CEP112: variants seen among roughly 807,000 people sequenced by gnomAD.
CEP112 encodes the protein centrosomal protein 112, also known as centrosomal protein of 112 kDa.
In CEP112, 127 loss-of-function variants were observed where a neutral mutation model predicts 153.0. That is an observed-to-expected ratio of 0.83 (90% CI 0.72 to 0.96). The LOEUF (loss-of-function observed/expected upper bound fraction) is 0.96, where lower values mean the gene tolerates loss of function less well. CEP112 is among the 40% of genes least tolerant of loss of function. The pLI is 0.00. For synonymous variants in CEP112, 358 were observed against 374.4 expected (o/e 0.96, Z 0.51); for missense variants, 1,089 against 1,101.2 (o/e 0.99, Z 0.16).
In CEP112 at chr17:65,734,015, C is replaced by T. The variant is rs531773505; in HGVS notation, c.2607+9053G>A. Among the ~76,000 whole-genome samples the T allele has an allele frequency of 4.6e-5, 7 of 152,348 alleles. No homozygotes were observed. In the South Asian group the frequency reaches 1.4e-3, roughly 32 times the overall value. ...TTGTCTCATTCACTGGGGACACTCACACATTTCACTGTTCCTGTATGTGTC... is the reference window on the plus strand; with the variant it reads ...TTGTCTCATTCACTGGGGACACTCATACATTTCACTGTTCCTGTATGTGTC... On this transcript the variant is annotated intron_variant, in intron 23 of 26. Transcript: ENST00000535342.
chr17:65,766,253 T>C (rs1598510234), intron 21 of CEP112, among the ~76,000 whole-genome samples: 1 of 124,914 alleles, frequency 8.0e-6, no homozygotes, highest in East Asian at 2.1e-4. Context: ...TCAAGCAGGG[T>C]GGAGGATAAA....
chr17:66,174,235 CT>C (rs760281759), intron 4 of CEP112, among the ~76,000 whole-genome samples: 11 of 152,162 alleles, frequency 7.2e-5, no homozygotes, highest in Non-Finnish European at 1.2e-4. Flanking sequence ...GCCTGTTTAT[CT>C]TTTTCGACCA....
intron 21 of CEP112, among the ~76,000 whole-genome samples, chr17:65,799,512 G>T (rs1411267551): frequency 6.6e-6 from 1 of 152,178 alleles, no homozygotes; most frequent in Non-Finnish European, 1.5e-5. Flanking sequence ...TGTGAGCAGG[G>T]AATAAAATGA....
intron 19 of CEP112, among the ~76,000 whole-genome samples, chr17:65,926,383 C>A (rs898463387): frequency 6.6e-5 from 10 of 152,290 alleles, no homozygotes; most frequent in African/African-American, 2.4e-4. Flanking sequence ...CTCCACCTGG[C>A]AAAGGCTATA....
At chr17:65,804,077 C>T (rs1944330776) in intron 21 of CEP112, among the ~76,000 whole-genome samples, 1 of 152,118 alleles carries the variant, frequency 6.6e-6, no homozygotes, top group Admixed American at 6.6e-5. Flanking sequence ...AATGAAACCT[C>T]ATCCAGAAGA....
At chr17:65,981,936 G>A (rs1190210569) in intron 17 of CEP112, among the ~76,000 whole-genome samples, 1 of 152,110 alleles carries the variant, frequency 6.6e-6, no homozygotes, top group Non-Finnish European at 1.5e-5. Context: ...TAAATGAGCT[G>A]CTACAGGAAA....
chr17:66,173,244 T>C (rs1415667753), intron 4 of CEP112, among the ~76,000 whole-genome samples: 1 of 152,192 alleles, frequency 6.6e-6, no homozygotes, highest in African/African-American at 2.4e-5. Context: ...AAGGAAATCA[T>C]GAAGGCATAT....
intron 17 of CEP112, among the ~76,000 whole-genome samples, chr17:65,979,880 G>GT (rs1157623784): frequency 6.6e-6 from 1 of 151,972 alleles, no homozygotes; most frequent in Non-Finnish European, 1.5e-5. Context: ...ACATCCTCTG[G>GT]TAAAAAATAG....
chr17:65,958,429 A>G (rs1231283158), intron 18 of CEP112, among the ~76,000 whole-genome samples: 1 of 152,192 alleles, frequency 6.6e-6, no homozygotes, highest in African/African-American at 2.4e-5. Flanking sequence ...CTGTGGATCC[A>G]GGCATTTCTG....
intron 17 of CEP112, among the ~76,000 whole-genome samples, chr17:66,000,090 G>A (rs1287098349): frequency 6.6e-6 from 1 of 152,088 alleles, no homozygotes; most frequent in Non-Finnish European, 1.5e-5. Flanking sequence ...TATATACTCA[G>A]TAATAGGATT....
At chr17:65,908,041 T>C (rs1000115691) in intron 19 of CEP112, among the ~76,000 whole-genome samples, 1 of 152,168 alleles carries the variant, frequency 6.6e-6, no homozygotes, top group Non-Finnish European at 1.5e-5. Context: ...GTGTGGGGCA[T>C]CTGGACCCAT....
intron 16 of CEP112, among the ~76,000 whole-genome samples, chr17:66,017,240 T>C (rs1598118880): frequency 6.6e-6 from 1 of 152,256 alleles, no homozygotes; most frequent in Admixed American, 6.5e-5. Flanking sequence ...TCATTAATTA[T>C]TGAATCTTCA....
chr17:65,655,540 G>A (rs1182390991), intron 24 of CEP112: 4 of 534,086 alleles, frequency 7.5e-6, no homozygotes, highest in Non-Finnish European at 1.3e-5. Context: ...GGAAAGTAAT[G>A]GATTTTCATT....
chr17:66,050,921 C>T (rs1209302282), intron 12 of CEP112, among the ~76,000 whole-genome samples: 1 of 152,194 alleles, frequency 6.6e-6, no homozygotes, highest in East Asian at 1.9e-4. Context: ...TTTCTTTACC[C>T]TATTCCTATT....
chr17:65,905,549 T>A (rs1240616801), intron 19 of CEP112, among the ~76,000 whole-genome samples: 4 of 152,206 alleles, frequency 2.6e-5, no homozygotes, highest in Non-Finnish European at 5.9e-5. Flanking sequence ...TGGCAATTCC[T>A]CAAGAATCTA....
chr17:65,920,633 T>G (rs1191994586), intron 19 of CEP112, among the ~76,000 whole-genome samples: 1 of 151,470 alleles, frequency 6.6e-6, no homozygotes, highest in Non-Finnish European at 1.5e-5. Flanking sequence ...CCTTTAAATA[T>G]TCCCCTCTGA....
At chr17:66,072,482 C>T (rs1568459911) in intron 8 of CEP112, among the ~76,000 whole-genome samples, 1 of 152,184 alleles carries the variant, frequency 6.6e-6, no homozygotes, top group Non-Finnish European at 1.5e-5. Context: ...GTGACCTTGA[C>T]ATTTTTTAAG....
chr17:65,849,511 T>C (rs1207362698), intron 21 of CEP112, among the ~76,000 whole-genome samples: 1 of 152,192 alleles, frequency 6.6e-6, no homozygotes, highest in Non-Finnish European at 1.5e-5. Context: ...TAAATTATCT[T>C]TACCCTGTAA....
intron 21 of CEP112, among the ~76,000 whole-genome samples, chr17:65,775,088 G>C (rs2053599979): frequency 6.6e-6 from 1 of 152,076 alleles, no homozygotes; most frequent in African/African-American, 2.4e-5. Flanking sequence ...ATGAGGTCAA[G>C]ACTCCCTCCT....
Sources: allele counts gnomAD v4.1 joint callset (sites outside exome capture counted in the v4.1 genomes callset), GRCh38; gene constraint gnomAD v4.1.1; transcripts MANE v1.5; gene names NCBI Gene and HGNC (gene_info 2026-07-23, HGNC 2026-07-21).